The following PARP2 variants were observed in gnomAD, a reference collection of about 807,000 sequenced individuals.
PARP2 encodes the protein poly [ADP-ribose] polymerase 2.
PARP2 carries 57 observed loss-of-function variants against 77.8 expected under a neutral mutation model. The ratio of observed to expected loss-of-function variants is 0.73; its 90% confidence interval spans 0.59 to 0.91. The LOEUF is 0.91. Among genes scored for constraint, PARP2 ranks in the 40% least tolerant of loss-of-function variants. PARP2 has a pLI of 0.00. For synonymous variants in PARP2, 226 were observed against 242.6 expected (o/e 0.93, Z 0.64); for missense variants, 651 against 689.0 (o/e 0.94, Z 0.62).
At chr14:20,353,090 G>T (rs1040401463) in intron 7 of PARP2, 2 of 151,800 alleles carry the variant, frequency 1.3e-5, no homozygotes, top group African/African-American at 2.4e-5. Context: ...ATGTTGGCCA[G>T]TCTGGTCTTG....
chr14:20,356,333 C>T lies in PARP2; in HGVS notation c.1128C>T (p.Thr376=). ...FKVISQYLQS[T]HAPTHSDYTM... Reference sequence around the variant, plus strand: ...TGATTTCCCAGTACCTACAATCTACCCATGCTCCCACACACAGCGACTATA... The same window carrying T: ...TGATTTCCCAGTACCTACAATCTACTCATGCTCCCACACACAGCGACTATA... Residue 376 remains threonine, a synonymous_variant, in exon 12 of 16, where the codon ACC becomes ACT. Transcript: ENST00000429687. 6.2e-7 allele frequency: 1 copy of T among 1,614,010 alleles called. No homozygotes were observed. Among genetic ancestry groups the T allele is most frequent in the Non-Finnish European group, 8.5e-7 (1 of 1,179,922 alleles).
intron 8 of PARP2, 59 bp from the exon 9 acceptor site, chr14:20,354,750 A>G: frequency 6.7e-7 from 1 of 1,497,150 alleles, no homozygotes; most frequent in Non-Finnish European, 9.0e-7. Flanking sequence ...GAAGGATGTT[A>G]AGTACAGTTC....
rs139090502 is a variant in PARP2 at position 20,350,549 on chromosome 14, C to G, written c.348C>G (p.Asn116Lys). ...LNQTNLQFNN[N>K]KYYLIQLLED... ...AGACCAATCTCCAGTTCAACAACAA[C>G]AAGTACTATCTGATTCAGCTATTAG... Residue 116 changes from asparagine to lysine, a missense_variant, in exon 5 of 16, where the codon AAC becomes AAG. Transcript: ENST00000429687. 17 of 1,608,296 alleles carry G rather than the reference C, an allele frequency of 1.1e-5. No individual in the cohort carries two copies. The highest frequency in any genetic ancestry group is 6.7e-5 in the East Asian group (3 of 44,852).
chr14:20,352,273 G>A lies in PARP2; in HGVS notation c.526G>A (p.Glu176Lys). 6.2e-7 allele frequency: 1 copy of A among 1,612,932 alleles called. No homozygotes were observed. Among genetic ancestry groups the A allele is most frequent in the Non-Finnish European group, 8.5e-7 (1 of 1,178,892 alleles). ...CCTTGACAAAACGAAAAACAATTGG[G>A]AAGATCGAGAAAAGTTTGAGAAGGT... ...KFLDKTKNNW[E>K]DREKFEKVPG... is the part of the protein sequence containing the mutation. Residue 176 changes from glutamate (E) to lysine (K), a missense_variant, in exon 7 of 16, where the codon GAA (glutamate) becomes AAA (lysine). Coordinates refer to ENST00000429687, the MANE Select transcript of PARP2 (RefSeq NM_001042618.2).
intron 2 of PARP2, 88 bp from the exon 3 acceptor site, chr14:20,345,306 C>T (rs1883673422): frequency 5.7e-6 from 7 of 1,236,490 alleles, no homozygotes; most frequent in African/African-American, 4.5e-5. Context: ...ATTGGTTGGG[C>T]GGGCAAAGTT....
intron 6 of PARP2, among the ~76,000 whole-genome samples, chr14:20,351,396 C>G (rs1883949458): frequency 6.6e-6 from 1 of 152,126 alleles, no homozygotes; most frequent in South Asian, 2.1e-4. Flanking sequence ...CCAGGCTGGT[C>G]TCGAACCCCT....
chr14:20,353,391 C>CTAATTTTTTAGACGTGTACAGTAGCTA (rs1157417677), intron 7 of PARP2, among the ~76,000 whole-genome samples: 7 of 152,024 alleles, frequency 4.6e-5, no homozygotes, highest in Non-Finnish European at 8.8e-5. Context: ...CAGGCGCCCG[C>CTAATTTTTTAGACGTGTACAGTAGCTA]CACCACGCCC....
chr14:20,348,448 G>T (rs1037145696), intron 4 of PARP2, among the ~76,000 whole-genome samples: 1 of 150,836 alleles, frequency 6.6e-6, no homozygotes, highest in African/African-American at 2.4e-5. Context: ...GCTCAGGCTG[G>T]CCTTGAACTT....
At position 20,343,645 on chromosome 14, in the gene PARP2, G is replaced by A. The variant is rs1206277684; in HGVS notation, c.4G>A (p.Ala2Thr). ...ATGACGTCAGCGTTCGAATTCCATG[G>A]CGGCGCGGCGGCGACGGAGCACCGG... M[A>T]ARRRRSTGGG... Residue 2 changes from alanine (A) to threonine (T), a missense_variant, in exon 1 of 16, where the codon GCG (alanine) becomes ACG (threonine). By Grantham distance (58) the Ala-to-Thr change is moderately conservative. Coordinates refer to ENST00000429687, the MANE Select transcript of PARP2 (RefSeq NM_001042618.2). 3 of 1,609,750 alleles carry A rather than the reference G, an allele frequency of 1.9e-6. No homozygotes were observed. The African/African-American group carries it at 4.0e-5, about 21-fold the overall frequency.
At position 20,357,064 on chromosome 14, in the gene PARP2, T is replaced by C; in HGVS notation, c.1343T>C (p.Ile448Thr). 2 of 1,609,034 alleles carry C rather than the reference T, an allele frequency of 1.2e-6. No individual in the cohort carries two copies. Among genetic ancestry groups the C allele is most frequent in the Non-Finnish European group, 1.7e-6 (2 of 1,175,310 alleles). ...TATATATTTCAGTTTGGGAAAGGAA[T>C]CTACTTTGCTGACATGTCTTCCAAG... is the stretch of plus-strand genomic sequence containing the variant. ...PITGYMFGKGIYFADMSSKSA... is the reference protein window; with the variant it reads ...PITGYMFGKGTYFADMSSKSA... The change falls in exon 14 of 16, where the codon ATC becomes ACC. Residue 448 changes from isoleucine to threonine, a missense_variant. By Grantham distance (89) the Ile-to-Thr change is moderately conservative. Transcript: ENST00000429687.
At chr14:20,357,338 T>A (rs908028808) in intron 14 of PARP2, 58 bp from the exon 15 acceptor site, 79 of 1,562,744 alleles carry the variant, frequency 5.1e-5, no homozygotes, top group Non-Finnish European at 6.4e-5. Flanking sequence ...TCTGTTTGGC[T>A]TTGGAGCCAT....
Position 20,350,536 on chromosome 14 carries a change from A to G in PARP2, c.335A>G (p.Gln112Arg), listed in dbSNP as rs750242561. ...TTTCACTCAACATAGACCAATCTCC[A>G]GTTCAACAACAACAAGTACTATCTG... is the stretch of plus-strand genomic sequence containing the variant. Reference protein sequence around the residue: ...YDVMLNQTNLQFNNNKYYLIQ... With the variant: ...YDVMLNQTNLRFNNNKYYLIQ... Residue 112 changes from glutamine (Q) to arginine (R), a missense_variant, in exon 5 of 16, where the codon CAG becomes CGG. By Grantham distance (43) the Gln-to-Arg change is conservative. Coordinates refer to ENST00000429687, the MANE Select transcript of PARP2 (RefSeq NM_001042618.2). 7 of 1,598,076 alleles carry G rather than the reference A, an allele frequency of 4.4e-6. No homozygotes were observed. The highest frequency in any genetic ancestry group is 1.7e-5 in the Admixed American group (1 of 59,920).
At chr14:20,346,584 T>G in intron 3 of PARP2, 1 of 300,092 alleles carries the variant, frequency 3.3e-6, no homozygotes, top group Non-Finnish European at 6.4e-6. Flanking sequence ...TCTGCCCACC[T>G]TAGCCTCCCG....
At position 20,357,755 on chromosome 14, in the gene PARP2, G is replaced by A. The variant is rs1187454229; in HGVS notation, c.1671G>A (p.Arg557=). ...ATAACCCCAACCAGGTCCGTATGCG[G>A]TACCTTTTAAAGGTTCAGTTTAATT... ...IVYNPNQVRM[R]YLLKVQFNFL... The change falls in exon 16 of 16, where the codon CGG becomes CGA. Residue 557 remains arginine, a synonymous_variant. Transcript: ENST00000429687. The A allele has an allele frequency of 1.9e-6, 3 of 1,613,738 alleles. No individual in the cohort carries two copies. In the South Asian group the frequency reaches 3.3e-5, roughly 18 times the overall value.
In PARP2 at chr14:20,354,954, C is replaced by T. The variant is rs776814629; in HGVS notation, c.902+7C>T. On this transcript the variant is annotated splice_region_variant and intron_variant, in intron 9 of 15. Transcript: ENST00000429687. ...GGATTCCGCATGACTTTGGGTAAGG[C>T]CTGTGCTGTTACTTCACTTTGTTCT... 1.2e-6 allele frequency: 2 copies of T among 1,608,846 alleles called. No homozygotes were observed. The highest frequency in any genetic ancestry group is 1.7e-4 in the Middle Eastern group (1 of 6,008).
At chr14:20,354,016 T>C (rs1353800508) in intron 7 of PARP2, 69 bp from the exon 8 acceptor site, 2 of 1,187,568 alleles carry the variant, frequency 1.7e-6, no homozygotes, top group Non-Finnish European at 2.5e-6. Flanking sequence ...TTGTATAATA[T>C]TGGGTGTTAT....
chr14:20,353,979 A>G (rs1884050686), intron 7 of PARP2, 106 bp from the exon 8 acceptor site: 1 of 865,208 alleles, frequency 1.2e-6, no homozygotes, highest in African/African-American at 1.7e-5. Flanking sequence ...AGACAGTGCA[A>G]TATAAAAACT....
In PARP2 at chr14:20,355,937, C is replaced by T; in HGVS notation, c.1007C>T (p.Thr336Ile). ...DIEIAIKLVK[T>I]ELQSPEHPLD... Reference sequence around the variant, plus strand: ...GAAATTGCTATTAAGCTGGTGAAAACAGAGCTACAAAGCCCAGAACACCCA... The same window carrying T: ...GAAATTGCTATTAAGCTGGTGAAAATAGAGCTACAAAGCCCAGAACACCCA... Residue 336 changes from threonine to isoleucine, a missense_variant, in exon 11 of 16, where the codon ACA becomes ATA. Transcript: ENST00000429687. 1 of 1,614,146 alleles carries T rather than the reference C, an allele frequency of 6.2e-7. No individual in the cohort carries two copies. Among genetic ancestry groups the T allele is most frequent in the Non-Finnish European group, 8.5e-7 (1 of 1,180,006 alleles).
chr14:20,346,206 AAAACTGTT>A (rs1490342447), intron 3 of PARP2, among the ~76,000 whole-genome samples: 2 of 152,054 alleles, frequency 1.3e-5, no homozygotes, highest in African/African-American at 2.4e-5. Context: ...TTGTTAAGGG[AAAACTGTT>A]TTCTTGTTCT....
Sources: gnomAD v4.1 joint callset for allele counts (sites outside exome capture counted in the v4.1 genomes callset) on GRCh38, gnomAD v4.1.1 for gene constraint, MANE v1.5 for transcripts, NCBI Gene and HGNC (gene_info 2026-07-23, HGNC 2026-07-21) for gene names.